PRKACB: variants seen among roughly 807,000 people sequenced by gnomAD.
PRKACB encodes the protein cAMP-dependent protein kinase catalytic subunit beta.
PRKACB carries 16 observed loss-of-function variants against 51.4 expected under a neutral mutation model. The observed-to-expected ratio is 0.31, with a 90% CI of 0.21 to 0.47. PRKACB has a LOEUF of 0.47. Ranked by LOEUF, PRKACB falls within the 20% of genes least tolerant of loss-of-function variation. The probability of loss-of-function intolerance (pLI) is 1.00; values close to 1 mark genes in which losing one functional copy is unlikely to be tolerated. For missense variants in PRKACB, 309 were observed against 464.5 expected (o/e 0.67, Z 3.08); for synonymous variants, 147 against 154.4 (o/e 0.95, Z 0.35).
chr1:84,079,801 G>A (rs1647380753), intron 1 of PRKACB, among the ~76,000 whole-genome samples: 1 of 152,134 alleles, frequency 6.6e-6, no homozygotes, highest in Non-Finnish European at 1.5e-5. Flanking sequence ...GAGTAGCTGG[G>A]ATTACAGGTG....
At chr1:84,084,165 G>A (rs1415067361) in intron 1 of PRKACB, among the ~76,000 whole-genome samples, 1 of 152,190 alleles carries the variant, frequency 6.6e-6, no homozygotes, top group South Asian at 2.1e-4. Context: ...CATTGAAAAT[G>A]ATAAATGTTC....
At chr1:84,141,726 CT>C (rs1220074354), upstream of PRKACB, among the ~76,000 whole-genome samples, 2 of 152,014 alleles carry the variant, frequency 1.3e-5, no homozygotes, top group Admixed American at 1.3e-4. Context: ...AATAAAAAAT[CT>C]GGCTAGATGT....
chr1:84,183,977 A>T (rs1171059937), intron 3 of PRKACB, 60 bp from the exon 4 acceptor site: 2 of 1,424,816 alleles, frequency 1.4e-6, no homozygotes, highest in Non-Finnish European at 1.9e-6. Context: ...ACATTTTTTT[A>T]AATGATAACT....
At position 84,126,548 on chromosome 1, in the gene PRKACB, G is replaced by T. The variant is rs186849192; in HGVS notation, c.46+48177G>T. Among the ~76,000 whole-genome samples, 574 of 152,254 alleles carry T rather than the reference G, an allele frequency of 3.8e-3. 3 individuals carry two copies. Among genetic ancestry groups the T allele is most frequent in the African/African-American group, 0.012 (514 of 41,540 alleles). On this transcript the variant is annotated intron_variant, in intron 1 of 8. Coordinates refer to the PRKACB transcript ENST00000370688. ...GGGCTTGGGGTTTTTATGGGTACAG[G>T]ATGGGGAGGTGGGGACAGCCAACAT...
In PRKACB at chr1:84,202,696, C is replaced by T. The variant is rs1309386302; in HGVS notation, c.797C>T (p.Ala266Val). The T allele has an allele frequency of 1.2e-6, 2 of 1,608,862 alleles. No homozygotes were observed. Among genetic ancestry groups the T allele is most frequent in the Non-Finnish European group, 8.5e-7 (1 of 1,176,828 alleles). Residue 266 changes from alanine (A) to valine (V), a missense_variant, in exon 8 of 10, where the codon GCA (alanine) becomes GTA (valine). By Grantham distance (64) the Ala-to-Val change is moderately conservative. Around this residue, in one of 3 missense-constraint regions of PRKACB, gnomAD observed 60 missense variants for 144.4 expected, o/e 0.42. Transcript: ENST00000370685. Reference sequence around the variant, plus strand: ...GGTTTATCTCAGGGCTACAATAAGGCAGTGGATTGGTGGGCATTAGGAGTG... The same window carrying T: ...GGTTTATCTCAGGGCTACAATAAGGTAGTGGATTGGTGGGCATTAGGAGTG... ...EIILSKGYNK[A>V]VDWWALGVLI...
intron 1 of PRKACB, among the ~76,000 whole-genome samples, chr1:84,156,116 G>A (rs1452189183): frequency 6.6e-6 from 1 of 152,060 alleles, no homozygotes; most frequent in African/African-American, 2.4e-5. Flanking sequence ...AGCCTCCCAA[G>A]TAGCTGGGAA....
At chr1:84,179,569 AT>A (rs1170267749) in intron 2 of PRKACB, among the ~76,000 whole-genome samples, 3 of 151,874 alleles carry the variant, frequency 2.0e-5, no homozygotes, top group Non-Finnish European at 4.4e-5. Context: ...AATTACAAAA[AT>A]AAGAGTCCTT....
At chr1:84,139,792 C>T (rs1003603218), upstream of PRKACB, among the ~76,000 whole-genome samples, 2 of 152,198 alleles carry the variant, frequency 1.3e-5, no homozygotes, top group African/African-American at 4.8e-5. Context: ...GGCACTGTGG[C>T]TTACGCCTGT....
chr1:84,118,115 A>G (rs1048167325), intron 1 of PRKACB, among the ~76,000 whole-genome samples: 11 of 152,176 alleles, frequency 7.2e-5, no homozygotes, highest in Non-Finnish European at 1.5e-4. Flanking sequence ...TTTAGTTCAC[A>G]GCAGTCCATG....
intron 7 of PRKACB, among the ~76,000 whole-genome samples, chr1:84,198,729 T>C (rs1163406826): frequency 6.6e-6 from 1 of 150,912 alleles, no homozygotes; most frequent in Non-Finnish European, 1.5e-5. Context: ...TATACAAAAT[T>C]TAGAAAATAC....
chr1:84,193,730 G>C (rs1374756706), intron 5 of PRKACB, among the ~76,000 whole-genome samples: 1 of 152,114 alleles, frequency 6.6e-6, no homozygotes, highest in Non-Finnish European at 1.5e-5. Context: ...TTAATTCTTG[G>C]AGCAGGTGCT....
chr1:84,112,446 A>G (rs1349287465), intron 1 of PRKACB, among the ~76,000 whole-genome samples: 1 of 151,976 alleles, frequency 6.6e-6, no homozygotes, highest in African/African-American at 2.4e-5. Flanking sequence ...CATGTTGGCC[A>G]GGCTGGTCTC....
At chr1:84,101,226 A>G (rs183495229) in intron 1 of PRKACB, among the ~76,000 whole-genome samples, 5 of 152,316 alleles carry the variant, frequency 3.3e-5, no homozygotes, top group Admixed American at 2.6e-4. Flanking sequence ...CTGAAGCTGT[A>G]CTTTACAGGC....
At chr1:84,163,157 A>G (rs1656455143) in intron 1 of PRKACB, among the ~76,000 whole-genome samples, 1 of 152,016 alleles carries the variant, frequency 6.6e-6, no homozygotes. Context: ...TGCTGATGGA[A>G]CTGTGTGCAA....
rs112237015 is a variant in PRKACB at position 84,083,280 on chromosome 1, A to T, written c.46+4909A>T. ...GACAAAAAAATCAAAGCAATCAGTT[A>T]TGCAATTTTGATGATAAATACATAT... On this transcript the variant is annotated intron_variant, in intron 1 of 8. Coordinates refer to the PRKACB transcript ENST00000370688. Among the ~76,000 whole-genome samples, 227 of 152,338 alleles carry T rather than the reference A, an allele frequency of 1.5e-3. 3 individuals carry two copies. Among genetic ancestry groups the T allele is most frequent in the African/African-American group, 5.1e-3 (214 of 41,588 alleles).
In PRKACB at chr1:84,201,794, T is replaced by C. The variant is rs541599226; in HGVS notation, c.784-889T>C. Among the ~76,000 whole-genome samples, 300 of 152,174 alleles carry C rather than the reference T, an allele frequency of 2.0e-3. 2 individuals are homozygous for C. Among genetic ancestry groups the C allele is most frequent in the African/African-American group, 6.8e-3 (284 of 41,546 alleles). ...CTTCATGACAGGTTTTTGGGGTTGT[T>C]AAAAAATCTCTTGTGTCAGTTGATA... On this transcript the variant is annotated intron_variant, in intron 7 of 9. Transcript: ENST00000370685.
intron 1 of PRKACB, among the ~76,000 whole-genome samples, chr1:84,080,383 C>T (rs1297115232): frequency 6.6e-6 from 1 of 152,036 alleles, no homozygotes; most frequent in Non-Finnish European, 1.5e-5. Context: ...AAATTCTTTT[C>T]TATGTTTTAA....
intron 2 of PRKACB, among the ~76,000 whole-genome samples, chr1:84,180,046 CAAAAAAA>C (rs761445098): frequency 2.0e-5 from 1 of 51,034 alleles, no homozygotes; most frequent in South Asian, 5.9e-4. Flanking sequence ...ACATAAAGAC[CAAAAAAA>C]AAAAAAAAAA....
chr1:84,210,744 A>C (rs1672006420), intron 8 of PRKACB, among the ~76,000 whole-genome samples: 1 of 152,192 alleles, frequency 6.6e-6, no homozygotes, highest in Non-Finnish European at 1.5e-5. Flanking sequence ...TAGTGTCTCC[A>C]GGTTGATGTA....
Sources: gnomAD v4.1 joint callset for allele counts (sites outside exome capture counted in the v4.1 genomes callset) on GRCh38, gnomAD v4.1.1 for gene constraint, gnomAD v4.1.1 regional missense constraint, MANE v1.5 for transcripts, NCBI Gene and HGNC (gene_info 2026-07-23, HGNC 2026-07-21) for gene names.